Variants in SLC25A24 observed in about 807,000 individuals in gnomAD.
SLC25A24 encodes solute carrier family 25 member 24, also known as mitochondrial adenyl nucleotide antiporter SLC25A24.
A neutral mutation model predicts 60.7 loss-of-function variants in SLC25A24; 49 were observed. That is an observed-to-expected ratio of 0.81 (90% confidence interval 0.64 to 1.02). The LOEUF (loss-of-function observed/expected upper bound fraction) is 1.02, where lower values mean the gene tolerates loss of function less well. Ranked by LOEUF, SLC25A24 falls within the 50% of genes least tolerant of loss-of-function variation. The probability of loss-of-function intolerance (pLI) is 0.00; values close to 1 mark genes in which losing one functional copy is unlikely to be tolerated. For synonymous variants in SLC25A24, 202 were observed against 200.6 expected (o/e 1.01, Z -0.06); for missense variants, 564 against 586.3 (o/e 0.96, Z 0.39).
intron 9 of SLC25A24, among the ~76,000 whole-genome samples, chr1:108,137,673 C>G (rs1402838262): frequency 6.6e-6 from 1 of 152,140 alleles, no homozygotes; most frequent in Non-Finnish European, 1.5e-5. Context: ...ATCAGTCATG[C>G]AAAGTTCTGG....
chr1:108,180,621 T>TCTC (rs1647887925), intron 3 of SLC25A24, among the ~76,000 whole-genome samples: 1 of 4,852 alleles, frequency 2.1e-4, no homozygotes, highest in African/African-American at 4.0e-4. Flanking sequence ...GAAAGATCTC[T>TCTC]CTCTCTCTCT....
chr1:108,175,419 A>G (rs1459864264), intron 3 of SLC25A24, among the ~76,000 whole-genome samples: 4 of 152,170 alleles, frequency 2.6e-5, no homozygotes, highest in Non-Finnish European at 5.9e-5. Context: ...GCCAAGCAAA[A>G]GTAAGTCAAT....
At chr1:108,156,081 C>G (rs907236218) in intron 5 of SLC25A24, among the ~76,000 whole-genome samples, 1 of 152,226 alleles carries the variant, frequency 6.6e-6, no homozygotes, top group Admixed American at 6.5e-5. Context: ...GGTGAGCTTC[C>G]CTGGTTGGTC....
At chr1:108,138,793 C>CA (rs1407457700) in intron 9 of SLC25A24, among the ~76,000 whole-genome samples, 5 of 151,316 alleles carry the variant, frequency 3.3e-5, no homozygotes, top group South Asian at 2.1e-4. Context: ...GTAACACAGT[C>CA]AAAAAAAATA....
rs1467040548 is a variant in SLC25A24 at position 108,134,415 on chromosome 1, C to T, written c.*2238G>A. On this transcript the variant is annotated 3_prime_UTR_variant, in exon 10 of 10. Transcript: ENST00000565488. ...TATGAAATTTTAAAAAATTACTTAC[C>T]AGTGAATTCAACTTAGAATTTTTTC... is the stretch of plus-strand genomic sequence containing the variant. The T allele has an allele frequency of 6.6e-6, 1 of 152,048 alleles. No individual in the cohort carries two copies. Among genetic ancestry groups the T allele is most frequent in the African/African-American group, 2.4e-5 (1 of 41,410 alleles). The allele number at this position is 152,048 out of a possible 1,614,324, so 9.4% of individuals were successfully genotyped here.
At chr1:108,161,032 A>AT (rs1449393506) in intron 4 of SLC25A24, 150 bp downstream of exon 4, 12 of 531,424 alleles carry the variant, frequency 2.3e-5, no homozygotes, top group Admixed American at 7.6e-5. Flanking sequence ...CTATAAATCT[A>AT]TGCCTAATAG....
At chr1:108,157,771 A>C in intron 4 of SLC25A24, 151 bp from the exon 5 acceptor site, 2 of 792,350 alleles carry the variant, frequency 2.5e-6, no homozygotes, top group Non-Finnish European at 4.0e-6. Context: ...CATAGATTAT[A>C]AGTTGTCTAC....
chr1:108,200,041 C>A lies in SLC25A24; in HGVS notation c.98G>T (p.Arg33Leu), dbSNP rs866607066. 1 of 1,608,354 alleles carries A rather than the reference C, an allele frequency of 6.2e-7. No individual in the cohort carries two copies. The highest frequency in any genetic ancestry group is 8.5e-7 in the Non-Finnish European group (1 of 1,177,858). The change falls in exon 1 of 10, where the codon CGC (arginine) becomes CTC (leucine). Residue 33 changes from arginine to leucine, a missense_variant. Coordinates refer to ENST00000565488, the MANE Select transcript of SLC25A24 (RefSeq NM_013386.5). ...GATGTCCACCACTCCGTCCCCATTG[C>A]GGTCCAGTGCCTGGAAGAGGGTCTC... ...RYETLFQALD[R>L]NGDGVVDIGE...
At chr1:108,153,764 T>C (rs1679813656) in intron 6 of SLC25A24, among the ~76,000 whole-genome samples, 1 of 152,182 alleles carries the variant, frequency 6.6e-6, no homozygotes, top group Non-Finnish European at 1.5e-5. Context: ...AGGATGCCTG[T>C]TGGTGGTATC....
At chr1:108,143,999 C>A (rs539105262) in intron 7 of SLC25A24, among the ~76,000 whole-genome samples, 1 of 152,242 alleles carries the variant, frequency 6.6e-6, no homozygotes, top group East Asian at 1.9e-4. Context: ...CCACCTGCAT[C>A]TGGAAGGTGA....
intron 6 of SLC25A24, among the ~76,000 whole-genome samples, chr1:108,153,816 T>A (rs891843866): frequency 6.6e-6 from 1 of 152,244 alleles, no homozygotes; most frequent in Admixed American, 6.5e-5. Context: ...AAAATGTGCA[T>A]ATTTGCTTGC....
intron 6 of SLC25A24, among the ~76,000 whole-genome samples, chr1:108,150,098 T>A (rs561224119): frequency 6.6e-6 from 1 of 152,168 alleles, no homozygotes; most frequent in Non-Finnish European, 1.5e-5. Flanking sequence ...TCATTAAACA[T>A]AATTTGCTTA....
intron 4 of SLC25A24, among the ~76,000 whole-genome samples, chr1:108,160,962 G>A (rs150260806): frequency 0.025 from 3,795 of 152,124 alleles, 163 homozygotes; most frequent in African/African-American, 0.086. Flanking sequence ...GAGGGAGACC[G>A]TGGGGAGGGG....
chr1:108,168,002 C>A (rs541673204), intron 3 of SLC25A24, among the ~76,000 whole-genome samples: 1 of 152,156 alleles, frequency 6.6e-6, no homozygotes, highest in Non-Finnish European at 1.5e-5. Flanking sequence ...CCTTGGGCCA[C>A]CTCTTACAGC....
chr1:108,184,437 T>C (rs750222130), intron 2 of SLC25A24, among the ~76,000 whole-genome samples: 3 of 152,242 alleles, frequency 2.0e-5, no homozygotes, highest in Non-Finnish European at 2.9e-5. Context: ...GTAAGGCTTA[T>C]GGGCAACAAA....
At chr1:108,180,619 T>TCTCTCTCC (rs1558023929) in intron 3 of SLC25A24, among the ~76,000 whole-genome samples, 1 of 2,416 alleles carries the variant, frequency 4.1e-4, no homozygotes, top group Non-Finnish European at 1.2e-3. Context: ...GAGAAAGATC[T>TCTCTCTCC]CTCTCTCTCT....
intron 5 of SLC25A24, among the ~76,000 whole-genome samples, chr1:108,155,822 T>C (rs1287737001): frequency 6.6e-6 from 1 of 152,142 alleles, no homozygotes; most frequent in Non-Finnish European, 1.5e-5. Context: ...TGGTAGTCAC[T>C]TAAAAATACT....
intron 9 of SLC25A24, among the ~76,000 whole-genome samples, chr1:108,137,141 G>A (rs1015809922): frequency 6.6e-6 from 1 of 152,076 alleles, no homozygotes; most frequent in African/African-American, 2.4e-5. Context: ...GTGAGCAATT[G>A]GAGGCTTAGA....
intron 1 of SLC25A24, among the ~76,000 whole-genome samples, chr1:108,188,212 A>G (rs1449962578): frequency 6.6e-6 from 1 of 151,938 alleles, no homozygotes; most frequent in African/African-American, 2.4e-5. Flanking sequence ...AAAAGCAGAA[A>G]CTGGGGACTA....
Sources: allele counts gnomAD v4.1 joint callset (sites outside exome capture counted in the v4.1 genomes callset), GRCh38; gene constraint gnomAD v4.1.1; transcripts MANE v1.5; gene names NCBI Gene and HGNC (gene_info 2026-07-23, HGNC 2026-07-21).